PCSK5: variants seen among roughly 807,000 people sequenced by gnomAD.
PCSK5 encodes prohormone convertase 5.
In PCSK5, 129 loss-of-function variants were observed where a neutral mutation model predicts 233.2. That is an observed-to-expected ratio of 0.55 (90% CI 0.48 to 0.64). The LOEUF is 0.64. Ranked by LOEUF, PCSK5 falls within the 30% of genes least tolerant of loss-of-function variation. The pLI, the probability that PCSK5 is intolerant of heterozygous loss-of-function variation, is 0.00. For synonymous variants in PCSK5, 825 were observed against 879.2 expected (o/e 0.94, Z 1.09); for missense variants, 2,076 against 2,430.1 (o/e 0.85, Z 3.06).
At chr9:76,334,875 C>T (rs987445620) in intron 34 of PCSK5, among the ~76,000 whole-genome samples, 3 of 152,054 alleles carry the variant, frequency 2.0e-5, no homozygotes, top group African/African-American at 4.8e-5. Flanking sequence ...GCCAGGAGTT[C>T]ACGACCAGCC....
intron 9 of PCSK5, among the ~76,000 whole-genome samples, chr9:76,133,860 A>T (rs1190064180): frequency 6.6e-6 from 1 of 151,950 alleles, no homozygotes; most frequent in Non-Finnish European, 1.5e-5. Context: ...AAACTAAGTT[A>T]CCCTGACTAC....
At chr9:76,278,770 T>A (rs554666679) in intron 24 of PCSK5, among the ~76,000 whole-genome samples, 1 of 152,282 alleles carries the variant, frequency 6.6e-6, no homozygotes, top group African/African-American at 2.4e-5. Context: ...TATCATCATT[T>A]TTTACATAGC....
In PCSK5 at chr9:76,360,524, A is replaced by T. The variant is rs1258149376; in HGVS notation, c.*1602A>T. 6.6e-6 allele frequency: 1 copy of T among 152,238 alleles called. No individual in the cohort carries two copies. Among genetic ancestry groups the T allele is most frequent in the Non-Finnish European group, 1.5e-5 (1 of 68,036 alleles). The allele number at this position is 152,238 out of a possible 1,614,324, so 9.4% of individuals were successfully genotyped here. ...TGTTTTAGTCTATAATATCAATGTT[A>T]TCTTTACTAAATTCATGGATTTTCT... On this transcript the variant is annotated 3_prime_UTR_variant, in exon 38 of 38. Coordinates refer to ENST00000674117, the MANE Select transcript of PCSK5 (RefSeq NM_001372043.1).
chr9:76,041,791 A>G (rs1379793975), intron 5 of PCSK5, among the ~76,000 whole-genome samples: 1 of 148,922 alleles, frequency 6.7e-6, no homozygotes, highest in African/African-American at 2.5e-5. Context: ...GTGAGCCCAG[A>G]TTGTACCATT....
At chr9:75,898,014 C>G (rs1437331323) in intron 1 of PCSK5, among the ~76,000 whole-genome samples, 1 of 152,138 alleles carries the variant, frequency 6.6e-6, no homozygotes, top group African/African-American at 2.4e-5. Context: ...GATTCACATG[C>G]CTTTATATGC....
At chr9:76,322,885 C>T (rs1226107212) in intron 31 of PCSK5, among the ~76,000 whole-genome samples, 167 bp from the exon 32 acceptor site, 1 of 152,192 alleles carries the variant, frequency 6.6e-6, no homozygotes, top group Non-Finnish European at 1.5e-5. Context: ...TGTCCCAAGG[C>T]AGGGCTTGTT....
chr9:75,948,486 A>G (rs1014753027), intron 2 of PCSK5, among the ~76,000 whole-genome samples: 4 of 152,000 alleles, frequency 2.6e-5, no homozygotes, highest in African/African-American at 9.6e-5. Context: ...AAGGACATGA[A>G]CTCATGTCCT....
intron 11 of PCSK5, 86 bp downstream of exon 11, chr9:76,157,248 A>G: frequency 2.4e-6 from 2 of 838,160 alleles, no homozygotes; most frequent in East Asian, 4.9e-5. Flanking sequence ...CTTGTTGCAC[A>G]CAGAAGCTAA....
At chr9:76,189,557 ATGAGGTTGCTAG>A (rs1824265851) in intron 19 of PCSK5, 62 bp from the exon 20 acceptor site, 1 of 875,406 alleles carries the variant, frequency 1.1e-6, no homozygotes, top group East Asian at 2.4e-5. Context: ...GTAAGACATT[ATGAGGTTGCTAG>A]TAAACACACC....
intron 14 of PCSK5, among the ~76,000 whole-genome samples, chr9:76,177,107 T>C (rs1246324630): frequency 1.3e-5 from 2 of 152,110 alleles, no homozygotes. Flanking sequence ...CTGGGCAACA[T>C]GGTGAAACCC....
chr9:75,956,638 AT>A (rs1247509347), intron 2 of PCSK5, among the ~76,000 whole-genome samples: 3 of 152,352 alleles, frequency 2.0e-5, no homozygotes, highest in Middle Eastern at 3.4e-3. Flanking sequence ...TAGATATAAG[AT>A]TTAAGATATA....
chr9:75,970,103 C>A (rs1229069381), intron 2 of PCSK5, among the ~76,000 whole-genome samples: 3 of 152,070 alleles, frequency 2.0e-5, no homozygotes, highest in Non-Finnish European at 4.4e-5. Flanking sequence ...GAACTCCTGA[C>A]CTCAGTTGAT....
chr9:76,066,092 C>T (rs1041359429), intron 5 of PCSK5, among the ~76,000 whole-genome samples: 3 of 151,970 alleles, frequency 2.0e-5, no homozygotes, highest in Non-Finnish European at 4.4e-5. Context: ...TGTTATTTTG[C>T]TTGGGATTGT....
intron 1 of PCSK5, among the ~76,000 whole-genome samples, chr9:75,897,880 A>G (rs953645718): frequency 6.6e-6 from 1 of 152,214 alleles, no homozygotes; most frequent in Non-Finnish European, 1.5e-5. Context: ...AAACTGACAC[A>G]TAATAGGCCC....
intron 10 of PCSK5, among the ~76,000 whole-genome samples, chr9:76,142,511 C>G (rs919361539): frequency 6.6e-6 from 1 of 151,722 alleles, no homozygotes; most frequent in Non-Finnish European, 1.5e-5. Context: ...TGGGGTGGAG[C>G]GAGCAAAGAA....
At chr9:76,020,217 T>C (rs547102092) in intron 3 of PCSK5, among the ~76,000 whole-genome samples, 17 of 152,328 alleles carry the variant, frequency 1.1e-4, no homozygotes, top group Non-Finnish European at 2.4e-4. Flanking sequence ...TAACATAGAT[T>C]CCTGTCAAAT....
intron 9 of PCSK5, among the ~76,000 whole-genome samples, chr9:76,124,418 C>T (rs1832761154): frequency 1.3e-5 from 2 of 152,042 alleles, no homozygotes; most frequent in African/African-American, 2.4e-5. Flanking sequence ...CCAAATCCAT[C>T]GGCTTGTCTT....
chr9:76,143,722 A>G (rs1370139948), intron 10 of PCSK5, among the ~76,000 whole-genome samples: 3 of 137,968 alleles, frequency 2.2e-5, no homozygotes, highest in Admixed American at 1.5e-4. Flanking sequence ...TCTTTGCTAC[A>G]TCCCACTTTT....
At chr9:75,996,701 C>T (rs1051410750) in intron 3 of PCSK5, among the ~76,000 whole-genome samples, 2 of 151,614 alleles carry the variant, frequency 1.3e-5, no homozygotes, top group Non-Finnish European at 2.9e-5. Flanking sequence ...CAAGATACAA[C>T]TTATTTCATA....
Sources: allele counts gnomAD v4.1 joint callset (sites outside exome capture counted in the v4.1 genomes callset), GRCh38; gene constraint gnomAD v4.1.1; transcripts MANE v1.5; gene names NCBI Gene and HGNC (gene_info 2026-07-23, HGNC 2026-07-21).